The following NLGN1 variants were observed in gnomAD, a reference collection of about 807,000 sequenced individuals.
NLGN1 encodes the protein neuroligin-1.
In NLGN1, 12 loss-of-function variants were observed where a neutral mutation model predicts 65.5. The observed-to-expected ratio is 0.18, with a 90% CI of 0.12 to 0.30. The LOEUF is 0.30. NLGN1 is among the 10% of genes least tolerant of loss of function. NLGN1 has a pLI of 1.00. For synonymous variants in NLGN1, 350 were observed against 359.5 expected, an observed-to-expected ratio of 0.97 and a Z score of 0.30; for missense variants, 750 against 1,007.1, an observed-to-expected ratio of 0.74 and a Z score of 3.46.
intron 3 of NLGN1, among the ~76,000 whole-genome samples, chr3:173,779,310 C>CTTAT (rs61399276): frequency 2.0e-5 from 3 of 151,222 alleles, no homozygotes; most frequent in Non-Finnish European, 3.0e-5. Context: ...TTATTTTCCT[C>CTTAT]TTAGATGTCT....
At chr3:174,104,500 G>T (rs1713277324) in intron 4 of NLGN1, among the ~76,000 whole-genome samples, 1 of 152,116 alleles carries the variant, frequency 6.6e-6, no homozygotes, top group Non-Finnish European at 1.5e-5. Flanking sequence ...ACTAGGCATA[G>T]ATTATGCCTT....
intron 4 of NLGN1, among the ~76,000 whole-genome samples, chr3:174,146,712 C>T (rs942078885): frequency 2.0e-5 from 3 of 151,696 alleles, no homozygotes; most frequent in Non-Finnish European, 4.4e-5. Flanking sequence ...GGATTACAGG[C>T]ACCCGCCACT....
intron 4 of NLGN1, among the ~76,000 whole-genome samples, chr3:174,041,626 T>C (rs1327263347): frequency 1.3e-5 from 2 of 152,192 alleles, no homozygotes; most frequent in South Asian, 2.1e-4. Context: ...AGTCTTTTAA[T>C]ATTTGTTATT....
chr3:173,836,945 A>C (rs1560467171), intron 4 of NLGN1, among the ~76,000 whole-genome samples: 1 of 152,202 alleles, frequency 6.6e-6, no homozygotes, highest in Admixed American at 6.5e-5. Flanking sequence ...AAATTGATCT[A>C]AAGGCTTGAT....
At chr3:173,411,580 G>T (rs1712562445) in intron 1 of NLGN1, among the ~76,000 whole-genome samples, 1 of 152,102 alleles carries the variant, frequency 6.6e-6, no homozygotes, top group African/African-American at 2.4e-5. Context: ...AAGAATGGGG[G>T]ATTTTGGCTG....
intron 4 of NLGN1, among the ~76,000 whole-genome samples, chr3:174,057,217 G>A (rs1378536177): frequency 1.1e-4 from 16 of 152,024 alleles, no homozygotes; most frequent in Non-Finnish European, 1.5e-5. Flanking sequence ...AGTATTTTTT[G>A]TCACAACAAA....
chr3:173,467,940 T>C (rs1275305478), intron 2 of NLGN1, among the ~76,000 whole-genome samples: 1 of 152,160 alleles, frequency 6.6e-6, no homozygotes, highest in Non-Finnish European at 1.5e-5. Flanking sequence ...AGTAAATTTT[T>C]GTTTTATTCA....
chr3:173,486,317 C>T (rs1728171565), intron 2 of NLGN1, among the ~76,000 whole-genome samples: 1 of 152,138 alleles, frequency 6.6e-6, no homozygotes. Context: ...CTGCCTCGGC[C>T]TCCCAAAATG....
intron 2 of NLGN1, among the ~76,000 whole-genome samples, chr3:173,467,731 G>A (rs1724605736): frequency 6.6e-6 from 1 of 152,038 alleles, no homozygotes; most frequent in Non-Finnish European, 1.5e-5. Flanking sequence ...AAATAACTAG[G>A]TCAAAGTTGA....
Position 173,697,604 on chromosome 3 carries a change from C to T in NLGN1, c.493+92513C>T, listed in dbSNP as rs192730645. On this transcript the variant is annotated intron_variant, in intron 3 of 6. Coordinates refer to ENST00000457714, the Ensembl canonical transcript of NLGN1. ...GTGCAATGGTGCGATCTCAGCTCAC[C>T]GCAACCTCTGCCTCCCGGGTTCAAG... Among the ~76,000 whole-genome samples the T allele has an allele frequency of 5.4e-3, 827 of 151,998 alleles. 2 individuals are homozygous for T. Among genetic ancestry groups the T allele is most frequent in the Non-Finnish European group, 8.8e-3 (597 of 67,962 alleles).
chr3:173,495,512 C>T (rs1384945145), intron 2 of NLGN1, among the ~76,000 whole-genome samples: 1 of 151,174 alleles, frequency 6.6e-6, no homozygotes, highest in Non-Finnish European at 1.5e-5. Flanking sequence ...TCTAGTAAAA[C>T]AGTGGGTGAG....
intron 1 of NLGN1, among the ~76,000 whole-genome samples, chr3:173,406,249 G>T (rs1718627125): frequency 6.6e-6 from 1 of 151,584 alleles, no homozygotes. Context: ...GTGGGAGGAG[G>T]CAAGAAGAAA....
intron 2 of NLGN1, among the ~76,000 whole-genome samples, chr3:173,539,701 C>CAT (rs1156384762): frequency 7.6e-6 from 1 of 132,192 alleles, no homozygotes; most frequent in Non-Finnish European, 1.6e-5. Context: ...TACATATGCA[C>CAT]ATATATACAT....
chr3:173,723,734 GAGA>G (rs1170795640), intron 3 of NLGN1, among the ~76,000 whole-genome samples: 5 of 152,032 alleles, frequency 3.3e-5, no homozygotes, highest in South Asian at 2.1e-4. Flanking sequence ...AGGGTGTTGA[GAGA>G]AGAAGTCATG....
chr3:174,167,226 G>A (rs1432681162), intron 4 of NLGN1, among the ~76,000 whole-genome samples: 1 of 152,002 alleles, frequency 6.6e-6, no homozygotes, highest in Non-Finnish European at 1.5e-5. Flanking sequence ...CTATTGTGAA[G>A]TTGTTAGCTG....
chr3:173,786,351 C>CT (rs1781959377), intron 3 of NLGN1, among the ~76,000 whole-genome samples: 1 of 152,076 alleles, frequency 6.6e-6, no homozygotes, highest in Non-Finnish European at 1.5e-5. Context: ...CCATTTTGAT[C>CT]TTTCTGTGAT....
intron 4 of NLGN1, among the ~76,000 whole-genome samples, chr3:174,137,792 T>C (rs946259287): frequency 1.3e-5 from 2 of 152,090 alleles, no homozygotes; most frequent in African/African-American, 4.8e-5. Context: ...AAAAGGAAAA[T>C]CATTACTTCT....
rs114794904 is a variant in NLGN1 at position 173,841,759 on chromosome 3, T to C, written c.646+33927T>C. ...TAAGAAGCACTGGAGTGATAAGAAATAGCACAGGAGAGCCAAAGGATGAAA... is the reference window on the plus strand; with the variant it reads ...TAAGAAGCACTGGAGTGATAAGAAACAGCACAGGAGAGCCAAAGGATGAAA... On this transcript the variant is annotated intron_variant, in intron 4 of 6. Transcript: ENST00000457714. 7.8e-3 allele frequency among the ~76,000 whole-genome samples: 1,182 copies of C among 152,124 alleles called. 15 individuals carry two copies. Among genetic ancestry groups the C allele is most frequent in the African/African-American group, 0.027 (1,117 of 41,508 alleles).
intron 4 of NLGN1, among the ~76,000 whole-genome samples, chr3:174,204,649 A>G (rs1034794011): frequency 6.6e-6 from 1 of 152,222 alleles, no homozygotes; most frequent in Non-Finnish European, 1.5e-5. Flanking sequence ...ATTTGTATCT[A>G]TGCATGGTAA....
Sources: gnomAD v4.1 joint callset for allele counts (sites outside exome capture counted in the v4.1 genomes callset) on GRCh38, gnomAD v4.1.1 for gene constraint, MANE v1.5 for transcripts, NCBI Gene and HGNC (gene_info 2026-07-23, HGNC 2026-07-21) for gene names.